The following GPHN variants were observed in gnomAD, a reference collection of about 807,000 sequenced individuals.
GPHN encodes the protein gephyrin.
GPHN carries 17 observed loss-of-function variants against 95.5 expected under a neutral mutation model. The observed-to-expected ratio is 0.18, with a 90% CI of 0.12 to 0.27. GPHN has a LOEUF of 0.27. Among genes scored for constraint, GPHN ranks in the 10% least tolerant of loss-of-function variants. The pLI is 1.00. For missense variants in GPHN, 660 were observed against 978.1 expected (o/e 0.67, Z 4.34); for synonymous variants, 320 against 322.5 (o/e 0.99, Z 0.08).
At chr14:66,511,719 A>G (rs989050892) in intron 1 of GPHN, among the ~76,000 whole-genome samples, 1 of 152,056 alleles carries the variant, frequency 6.6e-6, no homozygotes, top group African/African-American at 2.4e-5. Flanking sequence ...AGGTTTATGA[A>G]AGAATAATGG....
chr14:67,078,572 G>A (rs1221554938), intron 11 of GPHN, among the ~76,000 whole-genome samples: 1 of 152,164 alleles, frequency 6.6e-6, no homozygotes, highest in Non-Finnish European at 1.5e-5. Flanking sequence ...ATCTGTGTAA[G>A]TATCTGTACG....
chr14:67,472,588 G>A, the GPHN span: 1 of 147,512 alleles, frequency 6.8e-6, no homozygotes, highest in East Asian at 2.0e-4. Flanking sequence ...GTGGAGGGAA[G>A]GGCTGCAAGG....
At chr14:66,597,045 A>C (rs1156972274) in intron 1 of GPHN, among the ~76,000 whole-genome samples, 1 of 152,172 alleles carries the variant, frequency 6.6e-6, no homozygotes, top group African/African-American at 2.4e-5. Flanking sequence ...CTTCATGCTG[A>C]CAGGGGGCAT....
At chr14:67,312,501 T>G in the GPHN span, 4 of 1,481,138 alleles carry the variant, frequency 2.7e-6, no homozygotes, top group South Asian at 4.5e-5. Context: ...CCATTTATTG[T>G]TGTTTTTGCC....
intron 1 of GPHN, among the ~76,000 whole-genome samples, chr14:66,587,973 C>T (rs866355592): frequency 7.2e-5 from 11 of 152,286 alleles, no homozygotes; most frequent in Middle Eastern, 6.8e-3. Flanking sequence ...TTGACAGACA[C>T]CTCATACAGG....
At chr14:67,342,615 C>T in the GPHN span, among the ~76,000 whole-genome samples, 1 of 148,044 alleles carries the variant, frequency 6.8e-6, no homozygotes, top group Non-Finnish European at 1.5e-5. Context: ...CACTAGCAAG[C>T]AGTCAAAAAG....
intron 1 of GPHN, among the ~76,000 whole-genome samples, chr14:66,533,513 G>A (rs938931340): frequency 6.6e-6 from 1 of 152,316 alleles, no homozygotes; most frequent in Non-Finnish European, 1.5e-5. Flanking sequence ...TGGGTGCACA[G>A]AGGAAGGAAC....
the GPHN span, among the ~76,000 whole-genome samples, chr14:67,434,580 C>T: frequency 6.6e-6 from 1 of 152,056 alleles, no homozygotes; most frequent in Non-Finnish European, 1.5e-5. Context: ...CACTAAAGTT[C>T]GAGAGCCACT....
the GPHN span, chr14:67,646,804 T>G: frequency 3.4e-6 from 5 of 1,472,252 alleles, no homozygotes; most frequent in Admixed American, 8.5e-5. Context: ...TTTGAAAGGC[T>G]GATGCTTAAC....
At chr14:67,346,695 A>G in the GPHN span, among the ~76,000 whole-genome samples, 1 of 152,226 alleles carries the variant, frequency 6.6e-6, no homozygotes, top group East Asian at 1.9e-4. Context: ...GGAATGAATA[A>G]GACAGTTATT....
intron 3 of GPHN, among the ~76,000 whole-genome samples, chr14:66,812,914 A>T (rs1356773977): frequency 1.3e-5 from 2 of 152,220 alleles, no homozygotes; most frequent in Non-Finnish European, 2.9e-5. Context: ...ACTCTGGAAA[A>T]TTATCTTTGA....
At chr14:67,595,407 C>G in the GPHN span, among the ~76,000 whole-genome samples, 1 of 152,206 alleles carries the variant, frequency 6.6e-6, no homozygotes, top group Non-Finnish European at 1.5e-5. Context: ...TGGGAACCAT[C>G]TGTATATAGT....
the GPHN span, among the ~76,000 whole-genome samples, chr14:67,673,800 G>A: frequency 2.6e-5 from 4 of 152,184 alleles, no homozygotes; most frequent in African/African-American, 4.8e-5. Context: ...GACAGAACTT[G>A]TAGCAACCTG....
the GPHN span, among the ~76,000 whole-genome samples, chr14:67,346,823 G>A: frequency 6.6e-6 from 1 of 152,154 alleles, no homozygotes; most frequent in East Asian, 1.9e-4. Flanking sequence ...GCAGTGCATT[G>A]TGGGTGTAGG....
At position 66,508,191 on chromosome 14, in the gene GPHN, T is replaced by TC. The variant is rs1276227267; in HGVS notation, c.-335dup. On this transcript the variant is annotated 5_prime_UTR_variant, in exon 1 of 23. Coordinates refer to ENST00000478722, the MANE Select transcript of GPHN (RefSeq NM_020806.5). The stretch of plus-strand genomic sequence containing the variant: ...CATCTAGCTGCCTTGGGTCTCGCGC[T>TC]CCGCAGAGCGTTCCGACACTCTCCG... 2 of 494,092 alleles carry TC rather than the reference T, an allele frequency of 4.0e-6. No individual in the cohort carries two copies. Among genetic ancestry groups the TC allele is most frequent in the Non-Finnish European group, 7.4e-6 (2 of 269,812 alleles). The allele number at this position is 494,092 out of a possible 1,614,324, so 30.6% of individuals were successfully genotyped here.
chr14:67,502,426 C>T, the GPHN span, among the ~76,000 whole-genome samples: 1 of 150,214 alleles, frequency 6.7e-6, no homozygotes, highest in African/African-American at 2.4e-5. Context: ...ACTGCAAAGT[C>T]CTTGCTGGTG....
intron 2 of GPHN, among the ~76,000 whole-genome samples, chr14:66,693,222 A>G (rs1411843594): frequency 1.3e-5 from 2 of 152,148 alleles, no homozygotes; most frequent in African/African-American, 4.8e-5. Context: ...CTGTTGTAAT[A>G]TGTTTTTGTT....
chr14:67,096,403 G>A (rs888834869), intron 12 of GPHN, among the ~76,000 whole-genome samples: 3 of 152,124 alleles, frequency 2.0e-5, no homozygotes, highest in Non-Finnish European at 4.4e-5. Flanking sequence ...TTATTTAGAG[G>A]ATTATGCAGA....
chr14:66,736,408 T>G, intron 2 of GPHN, among the ~76,000 whole-genome samples: 1 of 151,016 alleles, frequency 6.6e-6, no homozygotes, highest in East Asian at 1.9e-4. Flanking sequence ...TTTTCTTTTT[T>G]TTTTTTTGAG....
Sources: allele counts gnomAD v4.1 joint callset (sites outside exome capture counted in the v4.1 genomes callset), GRCh38; gene constraint gnomAD v4.1.1; transcripts MANE v1.5; gene names NCBI Gene and HGNC (gene_info 2026-07-23, HGNC 2026-07-21).